The following GOLM1 variants were observed in gnomAD, a reference collection of about 807,000 sequenced individuals.
GOLM1 encodes the protein golgi membrane protein 1, also known as epididymis luminal protein 46.
GOLM1 carries 31 observed loss-of-function variants against 50.5 expected under a neutral mutation model. The observed-to-expected ratio is 0.61, with a 90% CI of 0.46 to 0.83. GOLM1 has a LOEUF of 0.83. Among genes scored for constraint, GOLM1 ranks in the 40% least tolerant of loss-of-function variants. GOLM1 has a pLI of 0.00. For missense variants in GOLM1, 491 were observed against 501.3 expected (o/e 0.98, Z 0.20); for synonymous variants, 178 against 192.8 (o/e 0.92, Z 0.64).
chr9:86,036,453 T>C lies in GOLM1; in HGVS notation c.652A>G (p.Thr218Ala), dbSNP rs776901302. The part of the protein sequence containing the change: ...PRLQAAGLPH[T>A]EVPQGKGNVL... Reference sequence around the variant, plus strand: ...TTTCCCTTCCCTTGTGGCACCTCTGTGTGTGGCAGGCCTGCTGCCTGCAGC... The same window carrying C: ...TTTCCCTTCCCTTGTGGCACCTCTGCGTGTGGCAGGCCTGCTGCCTGCAGC... Residue 218 changes from threonine to alanine, a missense_variant, in exon 7 of 10, where the codon ACA (threonine) becomes GCA (alanine). By Grantham distance (58) the Thr-to-Ala change is moderately conservative. Coordinates refer to ENST00000388712, the MANE Select transcript of GOLM1 (RefSeq NM_016548.4). 81 of 1,613,950 alleles carry C rather than the reference T, an allele frequency of 5.0e-5. No individual in the cohort carries two copies. Among genetic ancestry groups the C allele is most frequent in the Non-Finnish European group, 6.7e-5 (79 of 1,179,980 alleles).
intron 3 of GOLM1, among the ~76,000 whole-genome samples, chr9:86,055,791 G>T (rs923220732): frequency 6.6e-6 from 1 of 152,102 alleles, no homozygotes; most frequent in Non-Finnish European, 1.5e-5. Flanking sequence ...GATAGGAGAG[G>T]GGGGAGGGAA....
chr9:86,029,632 TC>T (rs1317882260), intron 9 of GOLM1, among the ~76,000 whole-genome samples: 1 of 53,314 alleles, frequency 1.9e-5, no homozygotes, highest in African/African-American at 2.5e-4. Flanking sequence ...TGTTAAAGGC[TC>T]TTAATAAAGT....
At chr9:86,093,357 CAG>C (rs1204438390) in intron 1 of GOLM1, among the ~76,000 whole-genome samples, 19 of 137,332 alleles carry the variant, frequency 1.4e-4, no homozygotes, top group African/African-American at 5.7e-4. Context: ...GCCTGAGTGA[CAG>C]AGCGAGATTC....
chr9:86,028,898 G>T (rs1472507414), intron 9 of GOLM1, among the ~76,000 whole-genome samples: 1 of 148,960 alleles, frequency 6.7e-6, no homozygotes, highest in Non-Finnish European at 1.5e-5. Context: ...ACCCAGGCTG[G>T]AGTGCAGTCG....
In GOLM1 at chr9:86,046,563, T is replaced by A; in HGVS notation, c.374A>T (p.Lys125Met). The A allele has an allele frequency of 6.2e-7, 1 of 1,606,898 alleles. No homozygotes were observed. The highest frequency in any genetic ancestry group is 2.2e-5 in the East Asian group (1 of 44,782). ...CCTGCCGTAATTCCTCTGCAGGGTCTTTAACTGGTCTACACCAAGGGGACA... is the reference window on the plus strand; with the variant it reads ...CCTGCCGTAATTCCTCTGCAGGGTCATTAACTGGTCTACACCAAGGGGACA... Reference protein sequence around the residue: ...RLIRVLQDQLKTLQRNYGRLQ... With the variant: ...RLIRVLQDQLMTLQRNYGRLQ... The change falls in exon 5 of 10, where the codon AAG becomes ATG. Residue 125 changes from lysine (K) to methionine (M), a missense_variant. Coordinates refer to ENST00000388712, the MANE Select transcript of GOLM1 (RefSeq NM_016548.4).
Position 86,027,297 on chromosome 9 carries a change from C to G in GOLM1, c.*520G>C, listed in dbSNP as rs1020735149. 1.4e-5 allele frequency: 14 copies of G among 985,676 alleles called. No homozygotes were observed. Among genetic ancestry groups the G allele is most frequent in the South Asian group, 4.7e-5 (1 of 21,318 alleles). 61.1% of individuals were successfully genotyped at this position (985,676 alleles called of 1,614,324 possible). On this transcript the variant is annotated 3_prime_UTR_variant, in exon 10 of 10. Coordinates refer to ENST00000388712, the MANE Select transcript of GOLM1 (RefSeq NM_016548.4). ...GACGTTTGTGTTAACAGTCAGTGCT[C>G]TAGGCCATTGATTGATTGATTGTCA...
chr9:86,028,784 G>T (rs1832870819), intron 9 of GOLM1, among the ~76,000 whole-genome samples: 2 of 152,106 alleles, frequency 1.3e-5, no homozygotes, highest in African/African-American at 4.8e-5. Context: ...TTGAGCTGTG[G>T]GGCACTGAAG....
intron 5 of GOLM1, among the ~76,000 whole-genome samples, chr9:86,042,878 G>A (rs1263887974): frequency 6.6e-6 from 1 of 152,168 alleles, no homozygotes; most frequent in Non-Finnish European, 1.5e-5. Flanking sequence ...TGAGACAAAG[G>A]TCATGCAGAT....
At chr9:86,062,068 G>C (rs1834174698) in intron 3 of GOLM1, among the ~76,000 whole-genome samples, 1 of 152,192 alleles carries the variant, frequency 6.6e-6, no homozygotes, top group South Asian at 2.1e-4. Context: ...AGGACACACA[G>C]ACACAGTTGC....
intron 1 of GOLM1, among the ~76,000 whole-genome samples, chr9:86,093,748 A>G (rs1329433982): frequency 2.0e-5 from 3 of 152,258 alleles, no homozygotes; most frequent in Non-Finnish European, 4.4e-5. Context: ...AAGGCATATG[A>G]AAATGGACAA....
In GOLM1 at chr9:86,079,341, T is replaced by A; in HGVS notation, c.-21A>T. The A allele has an allele frequency of 3.2e-6, 5 of 1,568,696 alleles. No individual in the cohort carries two copies. In the East Asian group the frequency reaches 1.1e-4, roughly 36 times the overall value. ...ATCATCTCAAAATCAGCGCTGAGAA[T>A]CTGCCAAGTAAAAGCAAATAAATAA... is the stretch of plus-strand genomic sequence containing the variant. On this transcript the variant is annotated splice_region_variant and 5_prime_UTR_variant, in exon 2 of 10. Transcript: ENST00000388712.
chr9:86,088,420 G>GTATATATATATATA lies in GOLM1; in HGVS notation c.-21-9093_-21-9080dup, dbSNP rs71505775. ...TGGATTCGTTGTTTTTTTGAAGGGTGTATATATATATATATATATATATAT... is the reference window on the plus strand; with the variant it reads ...TGGATTCGTTGTTTTTTTGAAGGGTGTATATATATATATATATATATATATATATATATATATAT... On this transcript the variant is annotated intron_variant, in intron 1 of 9. Coordinates refer to ENST00000388712, the MANE Select transcript of GOLM1 (RefSeq NM_016548.4). 3.0e-3 allele frequency among the ~76,000 whole-genome samples: 263 copies of GTATATATATATATA among 86,238 alleles called. 2 individuals carry two copies. The highest frequency in any genetic ancestry group is 4.7e-3 in the African/African-American group (82 of 17,388). 56.6% of individuals were successfully genotyped at this position (86,238 alleles called of 152,430 possible). A position where few individuals can be genotyped will look rare whatever the true frequency, so the allele number is the denominator to read the frequency against.
rs571559899 is a variant in GOLM1, at chr9:86,048,481, C to G, written c.365-1909G>C. Among the ~76,000 whole-genome samples the G allele has an allele frequency of 4.6e-5, 7 of 152,292 alleles. No individual in the cohort carries two copies. In the East Asian group the frequency reaches 7.7e-4, roughly 17 times the overall value. ...TCCACAATGGTTGAACTAGTTTACA[C>G]TCCCACCAACAGTGTAAAAGCATTC... is the stretch of plus-strand genomic sequence containing the variant. On this transcript the variant is annotated intron_variant, in intron 4 of 9. Transcript: ENST00000388712.
chr9:86,087,972 G>C (rs1835031377), intron 1 of GOLM1, among the ~76,000 whole-genome samples: 1 of 152,122 alleles, frequency 6.6e-6, no homozygotes. Flanking sequence ...TTAGGGAAGA[G>C]TCCCTCTTTT....
intron 3 of GOLM1, among the ~76,000 whole-genome samples, chr9:86,053,612 C>T (rs1170232789): frequency 3.7e-5 from 1 of 26,834 alleles, no homozygotes; most frequent in East Asian, 5.3e-4. Context: ...ACACATCACA[C>T]ACCACACCAA....
intron 3 of GOLM1, among the ~76,000 whole-genome samples, chr9:86,075,696 A>G (rs1191098432): frequency 6.6e-6 from 1 of 152,234 alleles, no homozygotes; most frequent in East Asian, 1.9e-4. Flanking sequence ...ACCAAAATGA[A>G]AAGACATTTA....
Position 86,027,502 on chromosome 9 carries a change from C to G in GOLM1, c.*315G>C, listed in dbSNP as rs1832822904. On this transcript the variant is annotated 3_prime_UTR_variant, in exon 10 of 10. Coordinates refer to ENST00000388712, the MANE Select transcript of GOLM1 (RefSeq NM_016548.4). ...CTGTTAATTTACACAAAGTTATATT[C>G]CAGAATCAGGAAGCCCCGCTGTCGC... 5 of 1,138,904 alleles carry G rather than the reference C, an allele frequency of 4.4e-6. No homozygotes were observed. Among genetic ancestry groups the G allele is most frequent in the Middle Eastern group, 3.9e-4 (1 of 2,592 alleles). The allele number at this position is 1,138,904 out of a possible 1,614,324, so 70.5% of individuals were successfully genotyped here. A position where few individuals can be genotyped will look rare whatever the true frequency, so the allele number is the denominator to read the frequency against.
rs34645862 is a variant in GOLM1 at position 86,047,129 on chromosome 9, T to A, written c.365-557A>T. Among the ~76,000 whole-genome samples the A allele has an allele frequency of 2.6e-3, 375 of 142,728 alleles. 1 individual carries two copies. The highest frequency in any genetic ancestry group is 5.6e-3 in the Admixed American group (80 of 14,410). The allele number at this position is 142,728 out of a possible 152,430, so 93.6% of individuals were successfully genotyped here. On this transcript the variant is annotated intron_variant, in intron 4 of 9. Transcript: ENST00000388712. Reference sequence around the variant, plus strand: ...CTGTGCCCATTTAATCAACCAACACTCTCATCAGGGAAAGAGCGGCTTTCT... The same window carrying A: ...CTGTGCCCATTTAATCAACCAACACACTCATCAGGGAAAGAGCGGCTTTCT...
At chr9:86,028,393 C>T (rs1410576442) in intron 9 of GOLM1, among the ~76,000 whole-genome samples, 1 of 152,194 alleles carries the variant, frequency 6.6e-6, no homozygotes, top group African/African-American at 2.4e-5. Context: ...AGTAGGAGAT[C>T]CCGGCTGCTG....
Sources: gnomAD v4.1 joint callset for allele counts (sites outside exome capture counted in the v4.1 genomes callset) on GRCh38, gnomAD v4.1.1 for gene constraint, MANE v1.5 for transcripts, NCBI Gene and HGNC (gene_info 2026-07-23, HGNC 2026-07-21) for gene names.